ESCO1: variants seen among roughly 807,000 people sequenced by gnomAD.
ESCO1 encodes the protein establishment of sister chromatid cohesion N-acetyltransferase 1, also known as N-acetyltransferase ESCO1.
Under a neutral mutation model 83.5 loss-of-function variants are expected in ESCO1, and 33 were observed. That is an observed-to-expected ratio of 0.40 (90% CI 0.30 to 0.53). ESCO1 has a LOEUF of 0.53. Among genes scored for constraint, ESCO1 ranks in the 20% least tolerant of loss-of-function variants. The pLI is 0.63. For synonymous variants in ESCO1, 332 were observed against 324.3 expected, an observed-to-expected ratio of 1.02 and a Z score of -0.25; for missense variants, 855 against 968.0, an observed-to-expected ratio of 0.88 and a Z score of 1.55.
chr18:21,581,927 A>T (rs1271874552), intron 2 of ESCO1, among the ~76,000 whole-genome samples: 1 of 151,968 alleles, frequency 6.6e-6, no homozygotes, highest in Non-Finnish European at 1.5e-5. Context: ...TAAAAAAAAA[A>T]AAAGAAAAAA....
intron 8 of ESCO1, 92 bp downstream of exon 8, chr18:21,560,767 T>C (rs2038174158): frequency 6.8e-7 from 1 of 1,477,554 alleles, no homozygotes; most frequent in African/African-American, 1.4e-5. Flanking sequence ...AAACATAAAT[T>C]TTTCAGTGAT....
intron 8 of ESCO1, among the ~76,000 whole-genome samples, chr18:21,542,846 T>TA (rs1568093696): frequency 6.6e-6 from 1 of 152,232 alleles, no homozygotes; most frequent in East Asian, 1.9e-4. Context: ...TTAGAGGCGA[T>TA]AAAGTCCATC....
At chr18:21,599,241 G>T (rs1007182406) in intron 1 of ESCO1, among the ~76,000 whole-genome samples, 1 of 152,200 alleles carries the variant, frequency 6.6e-6, no homozygotes, top group Non-Finnish European at 1.5e-5. Context: ...GGGAGGCGGA[G>T]GTGGGAGGAT....
chr18:21,556,155 G>C (rs1411982779), intron 8 of ESCO1, among the ~76,000 whole-genome samples: 1 of 151,266 alleles, frequency 6.6e-6, no homozygotes, highest in Non-Finnish European at 1.5e-5. Context: ...TCAGGAGGCT[G>C]AGGTGGGAGG....
intron 1 of ESCO1, among the ~76,000 whole-genome samples, chr18:21,588,586 T>A (rs902903962): frequency 1.6e-4 from 24 of 152,116 alleles, no homozygotes; most frequent in Non-Finnish European, 4.4e-5. Flanking sequence ...ATACAATATG[T>A]ATAAGATATC....
At position 21,573,410 on chromosome 18, in the gene ESCO1, CCTTT is replaced by C; in HGVS notation, c.1430_1433del (p.Glu477GlyfsTer12). On this transcript the variant is annotated frameshift_variant, in exon 4 of 12. Transcript: ENST00000269214. LOFTEE classifies it high-confidence loss of function. ...TGGCCAAATGACAATTTTCAGGAGCCCTTTCTGTGGTTTTATTAATTTCTACTGT... is the reference window on the plus strand; with the variant it reads ...TGGCCAAATGACAATTTTCAGGAGCCCTGTGGTTTTATTAATTTCTACTGT... The C allele has an allele frequency of 6.2e-7, 1 of 1,611,500 alleles. No homozygotes were observed. The highest frequency in any genetic ancestry group is 8.5e-7 in the Non-Finnish European group (1 of 1,179,504).
chr18:21,551,112 CAAAA>C (rs57346736), intron 8 of ESCO1, among the ~76,000 whole-genome samples: 2 of 75,274 alleles, frequency 2.7e-5, no homozygotes, highest in Non-Finnish European at 5.1e-5. Flanking sequence ...AACTCTGTCT[CAAAA>C]AAAAAAAAAA....
intron 8 of ESCO1, among the ~76,000 whole-genome samples, chr18:21,545,699 C>T (rs1053734312): frequency 1.2e-4 from 18 of 151,628 alleles, no homozygotes; most frequent in African/African-American, 4.1e-4. Flanking sequence ...GAGGCTGAGG[C>T]GGGTGGATCT....
intron 4 of ESCO1, among the ~76,000 whole-genome samples, chr18:21,569,788 T>C (rs1332614456): frequency 6.6e-6 from 1 of 151,856 alleles, no homozygotes; most frequent in Non-Finnish European, 1.5e-5. Context: ...GAGGCGGAGG[T>C]TGCAGTGAGC....
intron 10 of ESCO1, among the ~76,000 whole-genome samples, chr18:21,534,043 G>C (rs935369610): frequency 6.6e-5 from 10 of 152,244 alleles, no homozygotes; most frequent in African/African-American, 2.4e-4. Context: ...AGCCTCCCAA[G>C]TAGCTGGGAC....
intron 2 of ESCO1, among the ~76,000 whole-genome samples, chr18:21,578,480 A>G (rs2146215840): frequency 6.6e-6 from 1 of 152,206 alleles, no homozygotes; most frequent in East Asian, 1.9e-4. Flanking sequence ...CTTTCAGAGA[A>G]TAGAAAAAAA....
At position 21,574,311 on chromosome 18, in the gene ESCO1, T is replaced by C; in HGVS notation, c.533A>G (p.Lys178Arg). 6.2e-7 allele frequency: 1 copy of C among 1,613,858 alleles called. No individual in the cohort carries two copies. The highest frequency in any genetic ancestry group is 8.5e-7 in the Non-Finnish European group (1 of 1,180,006). Residue 178 changes from lysine (K) to arginine (R), a missense_variant, in exon 4 of 12, where the codon AAA becomes AGA. Physicochemically the swap from Lys to Arg is conservative, Grantham distance 26 (BLOSUM62 2). Transcript: ENST00000269214. ...AGAGTCAGACTTTACTTCCAGTACT[T>C]TTCTCTTCACATGTTTTTGACTTGT... is the stretch of plus-strand genomic sequence containing the variant. ...NKTSQKHVKR[K>R]VLEVKSDSKE...
intron 1 of ESCO1, among the ~76,000 whole-genome samples, chr18:21,600,067 C>CTGTA (rs2038820566): frequency 6.6e-6 from 1 of 152,244 alleles, no homozygotes; most frequent in African/African-American, 2.4e-5. Context: ...AAACTGAAGG[C>CTGTA]TGTAAAACCA....
At chr18:21,571,472 G>A (rs187913076) in intron 4 of ESCO1, among the ~76,000 whole-genome samples, 43 of 152,286 alleles carry the variant, frequency 2.8e-4, no homozygotes, top group Non-Finnish European at 5.9e-5. Flanking sequence ...TTAAAGGCAT[G>A]AGCCACCACG....
intron 9 of ESCO1, among the ~76,000 whole-genome samples, chr18:21,536,553 T>C (rs943120908): frequency 2.0e-5 from 3 of 148,658 alleles, no homozygotes; most frequent in Admixed American, 6.8e-5. Flanking sequence ...ATTGCGCCGT[T>C]GCACTCCAGC....
intron 8 of ESCO1, among the ~76,000 whole-genome samples, chr18:21,558,737 A>C (rs2038145024): frequency 1.3e-5 from 2 of 151,968 alleles, no homozygotes; most frequent in Admixed American, 6.6e-5. Context: ...AAAAAAAAAA[A>C]AAAAAAAAAA....
At chr18:21,568,482 T>TC (rs1210044019) in intron 4 of ESCO1, among the ~76,000 whole-genome samples, 1 of 152,216 alleles carries the variant, frequency 6.6e-6, no homozygotes, top group Non-Finnish European at 1.5e-5. Flanking sequence ...ATACCTTTTT[T>TC]CCAAGTTTCG....
rs1857137814 is a variant in ESCO1 at position 21,575,391 on chromosome 18, A to T, written c.-548T>A. 1 of 398,140 alleles carries T rather than the reference A, an allele frequency of 2.5e-6. No homozygotes were observed. Among genetic ancestry groups the T allele is most frequent in the African/African-American group, 2.1e-5 (1 of 48,728 alleles). The allele number at this position is 398,140 out of a possible 1,614,324, so 24.7% of individuals were successfully genotyped here. Reference sequence around the variant, plus strand: ...TTATCTAACCTCCTTTGTTCAACAAAATATTCTATTAATATAGATTTCCTT... The same window carrying T: ...TTATCTAACCTCCTTTGTTCAACAATATATTCTATTAATATAGATTTCCTT... On this transcript the variant is annotated 5_prime_UTR_variant, in exon 4 of 12. Coordinates refer to ENST00000269214, the MANE Select transcript of ESCO1 (RefSeq NM_052911.3).
chr18:21,530,568 G>T, intron 11 of ESCO1, 78 bp from the exon 12 acceptor site: 1 of 1,356,116 alleles, frequency 7.4e-7, no homozygotes. Flanking sequence ...ATTAAAACTG[G>T]AATAACCTGT....
Sources: gnomAD v4.1 joint callset for allele counts (sites outside exome capture counted in the v4.1 genomes callset) on GRCh38, gnomAD v4.1.1 for gene constraint, MANE v1.5 for transcripts, NCBI Gene and HGNC (gene_info 2026-07-23, HGNC 2026-07-21) for gene names.